ACACA: variants seen among roughly 807,000 people sequenced by gnomAD.
ACACA encodes the protein acetyl-CoA carboxylase alpha.
In ACACA, 103 loss-of-function variants were observed where a neutral mutation model predicts 296.1. The ratio of observed to expected loss-of-function variants is 0.35; its 90% CI spans 0.30 to 0.41. ACACA has a LOEUF of 0.41. Among genes scored for constraint, ACACA ranks in the 10% least tolerant of loss-of-function variants. The pLI is 1.00. For missense variants in ACACA, 1,554 were observed against 2,989.7 expected, an observed-to-expected ratio of 0.52 and a Z score of 11.20; for synonymous variants, 953 against 1,038.6, an observed-to-expected ratio of 0.92 and a Z score of 1.58.
chr17:37,376,733 T>C (rs1249642885), intron 1 of ACACA, among the ~76,000 whole-genome samples: 1 of 152,196 alleles, frequency 6.6e-6, no homozygotes, highest in South Asian at 2.1e-4. Context: ...GATTGGTGGA[T>C]CACCTGAGGT....
chr17:37,386,452 C>T (rs1470465207), intron 1 of ACACA, among the ~76,000 whole-genome samples: 2 of 151,986 alleles, frequency 1.3e-5, no homozygotes, highest in Non-Finnish European at 2.9e-5. Flanking sequence ...ATTAGCCGGA[C>T]GTGGTGGCAG....
chr17:37,229,852 C>T (rs2079764602), intron 25 of ACACA, among the ~76,000 whole-genome samples: 1 of 151,516 alleles, frequency 6.6e-6, no homozygotes, highest in East Asian at 2.0e-4. Flanking sequence ...GGCGGATTAC[C>T]TGAGGTCAGT....
chr17:37,179,395 T>C lies in ACACA; in HGVS notation c.4944A>G (p.Lys1648=). ...IPEMFRQSLI[K]LWESMSTQAF... ...CTTGAGTGGACATAGACTCCCAGAG[T>C]TTGATCAGGGACTAGTGGAGAAAAG... The change falls in exon 41 of 56, where the codon AAA becomes AAG. Residue 1648 remains lysine, a synonymous_variant. Coordinates refer to ENST00000616317, the MANE Select transcript of ACACA (RefSeq NM_198834.3). 2.5e-6 allele frequency: 4 copies of C among 1,614,058 alleles called. No individual in the cohort carries two copies. Among genetic ancestry groups the C allele is most frequent in the Non-Finnish European group, 3.4e-6 (4 of 1,179,990 alleles).
chr17:37,122,507 C>T, intron 49 of ACACA, 24 bp downstream of exon 49: 2 of 1,588,396 alleles, frequency 1.3e-6, no homozygotes, highest in Non-Finnish European at 1.7e-6. Context: ...AAGCACAGCC[C>T]CCAGTGTACT....
chr17:37,117,306 T>C (rs766748371), intron 50 of ACACA, among the ~76,000 whole-genome samples: 4 of 152,258 alleles, frequency 2.6e-5, no homozygotes, highest in Non-Finnish European at 4.4e-5. Context: ...GCTGACACTG[T>C]ATTTCAACAT....
chr17:37,165,230 T>G (rs927207310), intron 41 of ACACA, among the ~76,000 whole-genome samples: 1 of 150,838 alleles, frequency 6.6e-6, no homozygotes, highest in Non-Finnish European at 1.5e-5. Context: ...GGTAGCATGA[T>G]GGACAAACAT....
chr17:37,232,493 G>T (rs952062557), intron 25 of ACACA, among the ~76,000 whole-genome samples: 1 of 152,144 alleles, frequency 6.6e-6, no homozygotes, highest in African/African-American at 2.4e-5. Flanking sequence ...TGTGGGAGAG[G>T]AGGAGGGAGA....
chr17:37,124,253 A>G (rs767322563), intron 48 of ACACA, among the ~76,000 whole-genome samples: 14 of 152,260 alleles, frequency 9.2e-5, no homozygotes, highest in Non-Finnish European at 1.9e-4. Context: ...CTCGTCAGAT[A>G]GAAAGAAAGG....
intron 52 of ACACA, among the ~76,000 whole-genome samples, chr17:37,101,010 T>C (rs938701285): frequency 1.3e-5 from 2 of 151,636 alleles, no homozygotes; most frequent in Non-Finnish European, 2.9e-5. Context: ...GGCGTGAGAA[T>C]TGCTTGAACC....
intron 10 of ACACA, among the ~76,000 whole-genome samples, chr17:37,268,994 ACTCT>A (rs1207913965): frequency 1.4e-5 from 2 of 147,268 alleles, no homozygotes; most frequent in Non-Finnish European, 3.0e-5. Flanking sequence ...TTTTCTCTAG[ACTCT>A]CTGAGTCACT....
At chr17:37,099,530 A>AGGAGGGCTGATGGCG (rs1276202602) in intron 52 of ACACA, among the ~76,000 whole-genome samples, 3 of 87,912 alleles carry the variant, frequency 3.4e-5, no homozygotes, top group African/African-American at 6.6e-5. Context: ...GGCTGATGGG[A>AGGAGGGCTGATGGCG]GGAGGGCTGA....
intron 10 of ACACA, among the ~76,000 whole-genome samples, chr17:37,265,782 TC>T (rs2081738819): frequency 6.6e-6 from 1 of 152,110 alleles, no homozygotes; most frequent in Admixed American, 6.5e-5. Flanking sequence ...ATCCATGGCA[TC>T]CCCTGCTCCT....
intron 50 of ACACA, among the ~76,000 whole-genome samples, chr17:37,116,137 T>C (rs1384397114): frequency 6.6e-6 from 1 of 152,138 alleles, no homozygotes; most frequent in Non-Finnish European, 1.5e-5. Context: ...AGACTACAGG[T>C]GCGTGCCACC....
chr17:37,267,026 AGTC>A (rs902806203), intron 10 of ACACA, among the ~76,000 whole-genome samples: 2 of 150,250 alleles, frequency 1.3e-5, no homozygotes, highest in Non-Finnish European at 3.0e-5. Context: ...CCAGTTTTAA[AGTC>A]AATGTCTTAC....
intron 10 of ACACA, among the ~76,000 whole-genome samples, chr17:37,268,523 G>A (rs1176229023): frequency 2.0e-5 from 3 of 151,944 alleles, no homozygotes; most frequent in Admixed American, 2.0e-4. Context: ...AGCCCTCTTA[G>A]TCTTTTAAGA....
rs1353113865 is a variant in ACACA at position 37,121,200 on chromosome 17, A to C, written c.6274+155T>G. On this transcript the variant is annotated intron_variant, in intron 50 of 55. Coordinates refer to ENST00000616317, the MANE Select transcript of ACACA (RefSeq NM_198834.3). Reference sequence around the variant, plus strand: ...TATAAAATGTACTTTTTTCCATTCAAGTTGCAACTCAAAAGATGTCTCAGA... The same window carrying C: ...TATAAAATGTACTTTTTTCCATTCACGTTGCAACTCAAAAGATGTCTCAGA... Among the ~76,000 whole-genome samples the C allele has an allele frequency of 2.0e-5, 3 of 152,178 alleles. No homozygotes were observed. Among genetic ancestry groups the C allele is most frequent in the Non-Finnish European group, 2.9e-5 (2 of 68,028 alleles).
At chr17:37,268,725 C>CTATATATATATATA (rs1391160604) in intron 10 of ACACA, among the ~76,000 whole-genome samples, 2 of 111,640 alleles carry the variant, frequency 1.8e-5, no homozygotes, top group African/African-American at 4.2e-5. Context: ...ATCTATCTAT[C>CTATATATATATATA]TATCTATCTA....
Position 37,258,348 on chromosome 17 carries a change from C to G in ACACA, c.1526G>C (p.Arg509Thr). The G allele has an allele frequency of 6.2e-7, 1 of 1,613,996 alleles. No homozygotes were observed. The highest frequency in any genetic ancestry group is 1.1e-5 in the South Asian group (1 of 91,076). The change falls in exon 13 of 56, where the codon AGA becomes ACA. Residue 509 changes from arginine (R) to threonine (T), a missense_variant. Arg to Thr is a moderately conservative substitution (Grantham distance 71). This residue lies in a region of ACACA where 37 missense variants were observed against 49.9 expected (regional missense o/e 0.74). Transcript: ENST00000616317. ...LQIAMGIPLY[R>T]IKDIRMMYGV... ...ATACATCATACGGATATCCTTGATT[C>G]TATATAGAGGAATCCCCATGGCAAT...
intron 1 of ACACA, among the ~76,000 whole-genome samples, chr17:37,370,374 C>T (rs1018598329): frequency 2.0e-5 from 3 of 150,446 alleles, no homozygotes; most frequent in South Asian, 2.1e-4. Context: ...AGCCCAGACG[C>T]GGTGGCTCAC....
Sources: allele counts gnomAD v4.1 joint callset (sites outside exome capture counted in the v4.1 genomes callset), GRCh38; gene constraint gnomAD v4.1.1; regional missense constraint gnomAD v4.1.1; transcripts MANE v1.5; gene names NCBI Gene and HGNC (gene_info 2026-07-23, HGNC 2026-07-21).